Variants in ALCAM observed in about 807,000 individuals in gnomAD.
ALCAM encodes CD166 antigen.
Under a neutral mutation model 70.9 loss-of-function variants are expected in ALCAM, and 30 were observed. The ratio of observed to expected loss-of-function variants is 0.42; its 90% CI spans 0.32 to 0.57. ALCAM has a LOEUF of 0.57. Ranked by LOEUF, ALCAM falls within the 20% of genes least tolerant of loss-of-function variation. The probability of loss-of-function intolerance (pLI) is 0.11; values close to 1 mark genes in which losing one functional copy is unlikely to be tolerated. For missense variants in ALCAM, 591 were observed against 695.1 expected (o/e 0.85, Z 1.68); for synonymous variants, 249 against 242.5 (o/e 1.03, Z -0.25).
At chr3:105,455,298 C>T (rs543648195) in intron 1 of ALCAM, among the ~76,000 whole-genome samples, 136 of 151,566 alleles carry the variant, frequency 9.0e-4, no homozygotes, top group African/African-American at 3.1e-3. Flanking sequence ...AAAAATTAGC[C>T]GGGCGTGGTG....
chr3:105,398,570 G>C (rs1276570184), intron 1 of ALCAM, among the ~76,000 whole-genome samples: 1 of 151,972 alleles, frequency 6.6e-6, no homozygotes, highest in Non-Finnish European at 1.5e-5. Flanking sequence ...AAATGTGATG[G>C]CCAGTGGTTC....
At chr3:105,452,697 T>C (rs1285758087) in intron 1 of ALCAM, among the ~76,000 whole-genome samples, 1 of 152,198 alleles carries the variant, frequency 6.6e-6, no homozygotes. Flanking sequence ...ACCAACAGTA[T>C]AAAAGCATTC....
chr3:105,490,799 G>A (rs775982353), intron 1 of ALCAM, among the ~76,000 whole-genome samples: 10 of 152,118 alleles, frequency 6.6e-5, no homozygotes, highest in Admixed American at 1.3e-4. Context: ...GCAGGGTATG[G>A]CCCCCTCCTA....
intron 1 of ALCAM, among the ~76,000 whole-genome samples, chr3:105,405,192 G>A (rs1013418916): frequency 2.1e-5 from 3 of 140,184 alleles, no homozygotes; most frequent in South Asian, 2.4e-4. Flanking sequence ...CAGGAGAATC[G>A]CTTGAACCTG....
chr3:105,510,444 T>A (rs1284637091), intron 1 of ALCAM, among the ~76,000 whole-genome samples: 1 of 152,132 alleles, frequency 6.6e-6, no homozygotes, highest in African/African-American at 2.4e-5. Context: ...GGGTAAGTTA[T>A]GTTCCCAGCA....
intron 6 of ALCAM, among the ~76,000 whole-genome samples, chr3:105,538,744 T>G (rs1940038761): frequency 6.6e-6 from 1 of 152,138 alleles, no homozygotes; most frequent in South Asian, 2.1e-4. Context: ...AGATTTTATT[T>G]ACTTTTCAAC....
intron 12 of ALCAM, 96 bp downstream of exon 12, chr3:105,550,355 A>ATG: frequency 8.2e-7 from 1 of 1,223,604 alleles, no homozygotes; most frequent in Non-Finnish European, 1.1e-6. Context: ...GTACTGCATT[A>ATG]TGGTAAGTTT....
At chr3:105,446,617 A>G (rs1937305399) in intron 1 of ALCAM, among the ~76,000 whole-genome samples, 1 of 78,378 alleles carries the variant, frequency 1.3e-5, no homozygotes. Flanking sequence ...GTGTACACAC[A>G]CACACACACA....
intron 14 of ALCAM, among the ~76,000 whole-genome samples, chr3:105,558,396 T>C (rs1482916185): frequency 6.6e-6 from 1 of 152,174 alleles, no homozygotes; most frequent in Admixed American, 6.5e-5. Flanking sequence ...TTTCTAAATA[T>C]AAAATTCTAT....
chr3:105,375,668 A>G (rs978383137), intron 1 of ALCAM, among the ~76,000 whole-genome samples: 2 of 152,222 alleles, frequency 1.3e-5, no homozygotes, highest in African/African-American at 4.8e-5. Flanking sequence ...CTATTTCAGT[A>G]TGAGCATGAA....
At chr3:105,491,482 T>G (rs1399777636) in intron 1 of ALCAM, among the ~76,000 whole-genome samples, 1 of 152,212 alleles carries the variant, frequency 6.6e-6, no homozygotes, top group Non-Finnish European at 1.5e-5. Context: ...TTTTCAAACT[T>G]TTATGCTTTG....
At chr3:105,440,345 G>A (rs1315610783) in intron 1 of ALCAM, among the ~76,000 whole-genome samples, 1 of 152,190 alleles carries the variant, frequency 6.6e-6, no homozygotes, top group Non-Finnish European at 1.5e-5. Context: ...ATGTCAATAA[G>A]CAAAATATTC....
intron 2 of ALCAM, among the ~76,000 whole-genome samples, chr3:105,520,849 G>A (rs934296167): frequency 6.6e-6 from 1 of 152,092 alleles, no homozygotes; most frequent in African/African-American, 2.4e-5. Flanking sequence ...GTGTTTGTGT[G>A]GTACAATTTC....
chr3:105,421,557 G>T (rs1274901001), intron 1 of ALCAM, among the ~76,000 whole-genome samples: 1 of 151,296 alleles, frequency 6.6e-6, no homozygotes, highest in African/African-American at 2.4e-5. Flanking sequence ...TCTGATAAAG[G>T]CTTAAGAAGG....
intron 1 of ALCAM, among the ~76,000 whole-genome samples, chr3:105,480,634 G>C (rs1203611623): frequency 1.3e-5 from 2 of 152,134 alleles, no homozygotes; most frequent in African/African-American, 4.8e-5. Context: ...GGACATGCTA[G>C]GCTAACATGT....
intron 1 of ALCAM, among the ~76,000 whole-genome samples, chr3:105,486,972 T>TTATTTATTTATTTATG (rs1399597282): frequency 1.3e-5 from 2 of 151,808 alleles, no homozygotes; most frequent in Non-Finnish European, 2.9e-5. Flanking sequence ...ATTTATTTAT[T>TTATTTATTTATTTATG]TATTTATTTA....
chr3:105,570,271 A>G (rs1940832857), intron 14 of ALCAM, among the ~76,000 whole-genome samples: 1 of 152,194 alleles, frequency 6.6e-6, no homozygotes, highest in Non-Finnish European at 1.5e-5. Flanking sequence ...GTGTAAGAAA[A>G]GATACTCAAA....
At chr3:105,508,309 T>A (rs149167885) in intron 1 of ALCAM, among the ~76,000 whole-genome samples, 27 of 152,254 alleles carry the variant, frequency 1.8e-4, no homozygotes, top group Non-Finnish European at 3.2e-4. Context: ...CTAATAGTGA[T>A]GAGAATTGGA....
At chr3:105,554,835 C>T (rs9990253) in intron 14 of ALCAM, among the ~76,000 whole-genome samples, 12,616 of 151,914 alleles carry the variant, frequency 0.083, 662 homozygotes, top group Non-Finnish European at 0.12. Flanking sequence ...CAACAGCTTG[C>T]GTTCTAGGGT....
Sources: allele counts gnomAD v4.1 joint callset (sites outside exome capture counted in the v4.1 genomes callset), GRCh38; gene constraint gnomAD v4.1.1; transcripts MANE v1.5; gene names NCBI Gene and HGNC (gene_info 2026-07-23, HGNC 2026-07-21).